PPIG: variants seen among roughly 807,000 people sequenced by gnomAD.
PPIG encodes the protein peptidyl-prolyl cis-trans isomerase G.
Under a neutral mutation model 87.9 loss-of-function variants are expected in PPIG, and 26 were observed. The ratio of observed to expected loss-of-function variants is 0.30; its 90% confidence interval spans 0.22 to 0.41. PPIG has a LOEUF of 0.41. Ranked by LOEUF, PPIG falls within the 10% of genes least tolerant of loss-of-function variation. PPIG has a pLI of 1.00. For missense variants in PPIG, 722 were observed against 879.4 expected (o/e 0.82, Z 2.26); for synonymous variants, 308 against 276.5 (o/e 1.11, Z -1.13).
intron 9 of PPIG, among the ~76,000 whole-genome samples, chr2:169,621,185 C>T (rs1685737619): frequency 6.6e-6 from 1 of 151,952 alleles, no homozygotes; most frequent in African/African-American, 2.4e-5. Context: ...ATCTCACCTT[C>T]TAGGTACACT....
chr2:169,633,422 A>G (rs908142561), intron 12 of PPIG, 175 bp downstream of exon 12: 2 of 638,370 alleles, frequency 3.1e-6, no homozygotes, highest in African/African-American at 3.8e-5. Flanking sequence ...GGTACTTCCC[A>G]ACAGAAAATC....
At chr2:169,599,685 T>C (rs1685121117) in intron 1 of PPIG, among the ~76,000 whole-genome samples, 1 of 152,136 alleles carries the variant, frequency 6.6e-6, no homozygotes, top group African/African-American at 2.4e-5. Flanking sequence ...TTAGGTGTCC[T>C]TTGAGCTTTA....
chr2:169,595,427 T>C (rs1477923221), intron 1 of PPIG, among the ~76,000 whole-genome samples: 1 of 152,234 alleles, frequency 6.6e-6, no homozygotes, highest in Non-Finnish European at 1.5e-5. Flanking sequence ...CCAGTTATAC[T>C]CTTTATTTTT....
intron 9 of PPIG, among the ~76,000 whole-genome samples, chr2:169,626,074 G>C (rs1404887115): frequency 6.6e-6 from 1 of 152,140 alleles, no homozygotes; most frequent in African/African-American, 2.4e-5. Context: ...TCCATGTTCT[G>C]ACATTATGTT....
At chr2:169,595,617 T>C (rs916454643) in intron 1 of PPIG, among the ~76,000 whole-genome samples, 2 of 152,186 alleles carry the variant, frequency 1.3e-5, no homozygotes, top group Admixed American at 1.3e-4. Flanking sequence ...AAGAGTTCAA[T>C]TGTTTAAATT....
chr2:169,589,651 GGTTTTTTTGGGGGGGGTT>G (rs1684804636), intron 1 of PPIG, among the ~76,000 whole-genome samples: 1 of 151,918 alleles, frequency 6.6e-6, no homozygotes, highest in African/African-American at 2.4e-5. Context: ...CTGGTTTTGG[GGTTTTTTTGGGGGGGGTT>G]GTTTTTTTGG....
At chr2:169,636,006 C>G in intron 12 of PPIG, 86 bp from the exon 13 acceptor site, 3 of 1,003,682 alleles carry the variant, frequency 3.0e-6, no homozygotes, top group Non-Finnish European at 1.4e-6. Context: ...CTGACCCTCA[C>G]CCCAGTACTT....
Position 169,641,099 on chromosome 2 carries a change from T to C in PPIG, c.*3576T>C, listed in dbSNP as rs1686300935. On this transcript the variant is annotated 3_prime_UTR_variant, in exon 14 of 14. Transcript: ENST00000260970. Reference sequence around the variant, plus strand: ...TATAGTATTTTGAAAGATAAATGAATTGGGTATTTGTATGTGGGATGTACA... The same window carrying C: ...TATAGTATTTTGAAAGATAAATGAACTGGGTATTTGTATGTGGGATGTACA... The C allele has an allele frequency of 6.6e-6, 1 of 151,840 alleles. No individual in the cohort carries two copies. 9.4% of individuals were successfully genotyped at this position (151,840 alleles called of 1,614,324 possible).
At chr2:169,631,578 G>C in intron 10 of PPIG, 188 bp from the exon 11 acceptor site, 2 of 1,358,600 alleles carry the variant, frequency 1.5e-6, no homozygotes, top group South Asian at 3.8e-5. Flanking sequence ...GTTTTGTTTT[G>C]TTTGTTTTTT....
chr2:169,597,801 CTCT>C (rs1232438816), intron 1 of PPIG, among the ~76,000 whole-genome samples: 1 of 152,096 alleles, frequency 6.6e-6, no homozygotes, highest in African/African-American at 2.4e-5. Flanking sequence ...GCCCAGCTCT[CTCT>C]TCTTTTAAAA....
At position 169,628,698 on chromosome 2, in the gene PPIG, C is replaced by T. The variant is rs7567565; in HGVS notation, c.548-2076C>T. 5.9e-3 allele frequency among the ~76,000 whole-genome samples: 896 copies of T among 151,954 alleles called. 12 individuals are homozygous for T. The highest frequency in any genetic ancestry group is 0.021 in the African/African-American group (852 of 41,454). ...CCCACACCTGTAATCCCAACACTTA[C>T]GGAGGTTGAGACAGGAAGATCCCTT... is the stretch of plus-strand genomic sequence containing the variant. On this transcript the variant is annotated intron_variant, in intron 9 of 13. Coordinates refer to ENST00000260970, the MANE Select transcript of PPIG (RefSeq NM_004792.3).
In PPIG at chr2:169,614,677, C is replaced by T. The variant is rs1299738877; in HGVS notation, c.500C>T (p.Ala167Val). 5 of 1,611,930 alleles carry T rather than the reference C, an allele frequency of 3.1e-6. No individual in the cohort carries two copies. Among genetic ancestry groups the T allele is most frequent in the East Asian group, 2.2e-5 (1 of 44,816 alleles). The change falls in exon 9 of 14, where the codon GCG (alanine) becomes GTG (valine). Residue 167 changes from alanine to valine, a missense_variant. This residue lies in a region of PPIG where 99 missense variants were observed against 215.8 expected (regional missense o/e 0.46). Transcript: ENST00000260970. ...QKTDAASKPF[A>V]EVRILSCGEL... is the part of the protein sequence containing the mutation. ...ACAGATGCAGCTAGCAAACCGTTTGCGGAGGTACGGATACTCAGTTGTGGA... is the reference window on the plus strand; with the variant it reads ...ACAGATGCAGCTAGCAAACCGTTTGTGGAGGTACGGATACTCAGTTGTGGA...
chr2:169,616,698 G>A (rs1685617676), intron 9 of PPIG, among the ~76,000 whole-genome samples: 2 of 152,120 alleles, frequency 1.3e-5, no homozygotes, highest in Middle Eastern at 3.4e-3. Flanking sequence ...GGGGTGGTTT[G>A]TTTTTTTCTT....
At chr2:169,588,563 G>A (rs1045689053) in intron 1 of PPIG, among the ~76,000 whole-genome samples, 5 of 152,122 alleles carry the variant, frequency 3.3e-5, no homozygotes, top group African/African-American at 4.8e-5. Flanking sequence ...TTACTGGATT[G>A]AATAATGGGG....
intron 5 of PPIG, 51 bp from the exon 6 acceptor site, chr2:169,607,053 C>A: frequency 8.7e-7 from 1 of 1,147,806 alleles, no homozygotes; most frequent in Admixed American, 2.1e-5. Flanking sequence ...GTTTAGGTAT[C>A]ACCTTTGAGG....
chr2:169,617,761 G>C (rs1012250791), intron 9 of PPIG, among the ~76,000 whole-genome samples: 2 of 152,142 alleles, frequency 1.3e-5, no homozygotes, highest in Non-Finnish European at 1.5e-5. Context: ...GGGCTGAGAC[G>C]ATGGGGTTTT....
In PPIG at chr2:169,611,371, C is replaced by A. The variant is rs185078529; in HGVS notation, c.377+2613C>A. Among the ~76,000 whole-genome samples, 5 of 152,242 alleles carry A rather than the reference C, an allele frequency of 3.3e-5. No individual in the cohort carries two copies. In the East Asian group the frequency reaches 9.6e-4, roughly 29 times the overall value. On this transcript the variant is annotated intron_variant, in intron 7 of 13. Coordinates refer to ENST00000260970, the MANE Select transcript of PPIG (RefSeq NM_004792.3). The stretch of plus-strand genomic sequence containing the variant: ...GTCAACTTTTGGCTATAATATAAAT[C>A]TCTGCACATCACTAAATATTAGCTT...
At position 169,637,139 on chromosome 2, in the gene PPIG, C is replaced by A; in HGVS notation, c.1881C>A (p.Asp627Glu). 1 of 1,612,190 alleles carries A rather than the reference C, an allele frequency of 6.2e-7. No individual in the cohort carries two copies. The highest frequency in any genetic ancestry group is 2.2e-5 in the East Asian group (1 of 44,806). Reference sequence around the variant, plus strand: ...AAGATAGGAGGAGAAGGAGGAGAGACTCACGGAGCTCAGAGAGAGAAGAAA... The same window carrying A: ...AAGATAGGAGGAGAAGGAGGAGAGAATCACGGAGCTCAGAGAGAGAAGAAA... ...RSKDRRRRRRDSRSSEREESQ... is the reference protein window; with the variant it reads ...RSKDRRRRRRESRSSEREESQ... The change falls in exon 14 of 14, where the codon GAC becomes GAA. Residue 627 changes from aspartate (D) to glutamate (E), a missense_variant. This residue lies in a region of PPIG where 476 missense variants were observed against 483.1 expected (regional missense o/e 0.99). Transcript: ENST00000260970.
intron 9 of PPIG, among the ~76,000 whole-genome samples, chr2:169,615,529 A>C (rs767915310): frequency 6.6e-6 from 1 of 152,106 alleles, no homozygotes; most frequent in Non-Finnish European, 1.5e-5. Flanking sequence ...TGTGACTTCA[A>C]CGTTTTTAGA....
Sources: allele counts gnomAD v4.1 joint callset (sites outside exome capture counted in the v4.1 genomes callset), GRCh38; gene constraint gnomAD v4.1.1; regional missense constraint gnomAD v4.1.1; transcripts MANE v1.5; gene names NCBI Gene and HGNC (gene_info 2026-07-23, HGNC 2026-07-21).